Variants in GREB1 observed in about 807,000 individuals in gnomAD.
GREB1 encodes protein GREB1.
A neutral mutation model predicts 200.7 loss-of-function variants in GREB1; 106 were observed. That is an observed-to-expected ratio of 0.53 (90% CI 0.45 to 0.62). GREB1 has a LOEUF of 0.62. Among genes scored for constraint, GREB1 ranks in the 20% least tolerant of loss-of-function variants. The pLI, the probability that GREB1 is intolerant of heterozygous loss-of-function variation, is 0.00. For missense variants in GREB1, 2,243 were observed against 2,556.8 expected, an observed-to-expected ratio of 0.88 and a Z score of 2.65; for synonymous variants, 1,132 against 1,092.4, an observed-to-expected ratio of 1.04 and a Z score of -0.72.
rs70955803 is a variant in GREB1 at position 11,497,971 on chromosome 2, C to CTTTTTTTTTTTT, written c.-159+15620_-159+15631dup. Among the ~76,000 whole-genome samples, 2 of 40,628 alleles carry CTTTTTTTTTTTT rather than the reference C, an allele frequency of 4.9e-5. 1 individual carries two copies. Among genetic ancestry groups the CTTTTTTTTTTTT allele is most frequent in the Non-Finnish European group, 9.0e-5 (2 of 22,158 alleles). 26.7% of individuals were successfully genotyped at this position (40,628 alleles called of 152,430 possible). On this transcript the variant is annotated intron_variant, in intron 1 of 2. Coordinates refer to the GREB1 transcript ENST00000628795. Reference sequence around the variant, plus strand: ...TAACAGGGTCTTTTGCAGAGCAAAACTTTTTTTTTTTTTTTTTTTTTTTTT... The same window carrying CTTTTTTTTTTTT: ...TAACAGGGTCTTTTGCAGAGCAAAACTTTTTTTTTTTTTTTTTTTTTTTTTTTTTTTTTTTTT...
chr2:11,583,018 G>A (rs1030459739), intron 7 of GREB1, among the ~76,000 whole-genome samples: 4 of 151,986 alleles, frequency 2.6e-5, no homozygotes, highest in African/African-American at 4.8e-5. Context: ...CACCAAACAG[G>A]CTACATAATG....
chr2:11,517,777 G>A (rs1217584069), intron 1 of GREB1, among the ~76,000 whole-genome samples: 11 of 151,922 alleles, frequency 7.2e-5, no homozygotes, highest in African/African-American at 1.9e-4. Flanking sequence ...TCAGCCTCCC[G>A]AGTAGCTGGG....
Position 11,539,062 on chromosome 2 carries a change from T to TCTTCTCTTCTCTTCC in GREB1, c.-162+4816_-162+4817insCTCTTCCCTTCTCTT, listed in dbSNP as rs1553347551. Among the ~76,000 whole-genome samples, 759 of 135,584 alleles carry TCTTCTCTTCTCTTCC rather than the reference T, an allele frequency of 5.6e-3. 21 individuals carry two copies. Among genetic ancestry groups the TCTTCTCTTCTCTTCC allele is most frequent in the African/African-American group, 0.016 (587 of 35,824 alleles). The allele number at this position is 135,584 out of a possible 152,430, so 88.9% of individuals were successfully genotyped here. A position where few individuals can be genotyped will look rare whatever the true frequency, so the allele number is the denominator to read the frequency against. Reference sequence around the variant, plus strand: ...TCTTCTCTTCTCTTCTCTTCTCTTCTCTTCTCTTATGATAGGGTCTCACTT... The same window carrying TCTTCTCTTCTCTTCC: ...TCTTCTCTTCTCTTCTCTTCTCTTCTCTTCTCTTCTCTTCCCTTCTCTTATGATAGGGTCTCACTT... On this transcript the variant is annotated intron_variant, in intron 1 of 32. Coordinates refer to ENST00000381486, the MANE Select transcript of GREB1 (RefSeq NM_014668.4).
At position 11,629,714 on chromosome 2, in the gene GREB1, T is replaced by C. The variant is rs1001035853; in HGVS notation, c.4450-234T>C. On this transcript the variant is annotated intron_variant, in intron 25 of 32. Coordinates refer to ENST00000381486, the MANE Select transcript of GREB1 (RefSeq NM_014668.4). This position sits in a 1 kb window ranked among gnomAD's most constrained non-coding sequence, Gnocchi z 5.2. ...CTTGGCACAGCAGGGTGAGGCCCCA[T>C]GCGGACTGAGGATGGGAGCAGGCTC... Among the ~76,000 whole-genome samples the C allele has an allele frequency of 1.3e-5, 2 of 152,130 alleles. No individual in the cohort carries two copies. Among genetic ancestry groups the C allele is most frequent in the African/African-American group, 4.8e-5 (2 of 41,426 alleles).
rs2148470950 is a variant in GREB1 at position 11,641,469 on chromosome 2, TTTTGTTTTG to T, written c.*1019_*1027del. The T allele has an allele frequency of 1.3e-5, 2 of 151,126 alleles. No homozygotes were observed. The highest frequency in any genetic ancestry group is 4.2e-4 in the South Asian group (2 of 4,706). 9.4% of individuals were successfully genotyped at this position (151,126 alleles called of 1,614,324 possible). A position where few individuals can be genotyped will look rare whatever the true frequency, so the allele number is the denominator to read the frequency against. ...ACCCCTTCACAGACTGACAGAATGG[TTTTGTTTTG>T]TTTTGTTTTGTTTTGTTTTGTTTTT... On this transcript the variant is annotated 3_prime_UTR_variant, in exon 33 of 33. Coordinates refer to ENST00000381486, the MANE Select transcript of GREB1 (RefSeq NM_014668.4).
chr2:11,615,419 T>C, intron 20 of GREB1, 129 bp downstream of exon 20: 1 of 721,836 alleles, frequency 1.4e-6, no homozygotes, highest in East Asian at 2.7e-5. Flanking sequence ...ACCTGTCTGC[T>C]GGACAGCGGC....
Position 11,492,744 on chromosome 2 carries a change from CA to C in GREB1, c.-159+10364del. On this transcript the variant is annotated intron_variant, in intron 1 of 2. Transcript: ENST00000628795. This position sits in a 1 kb window ranked among gnomAD's most constrained non-coding sequence, Gnocchi z 4.0. ...CCTAGGGCAGCCCCCTTGAGACTCA[CA>C]CTGAAGGCCTCCTGGGGAGGGAACT... Among the ~76,000 whole-genome samples the C allele has an allele frequency of 6.6e-6, 1 of 152,328 alleles. No individual in the cohort carries two copies. The highest frequency in any genetic ancestry group is 2.4e-5 in the African/African-American group (1 of 41,572).
chr2:11,599,519 AT>A (rs11367888), intron 15 of GREB1, among the ~76,000 whole-genome samples: 38,000 of 99,524 alleles, frequency 0.38, 6,344 homozygotes, highest in East Asian at 0.55. Flanking sequence ...TCGTTTTTGT[AT>A]TTTTTTTTTT....
chr2:11,577,477 T>G (rs1333741241), intron 5 of GREB1, among the ~76,000 whole-genome samples: 1 of 152,214 alleles, frequency 6.6e-6, no homozygotes, highest in Non-Finnish European at 1.5e-5. Flanking sequence ...GGATGCAGCT[T>G]TCAGAAATGT....
Position 11,634,084 on chromosome 2 carries a change from G to A in GREB1, c.4992-47G>A, listed in dbSNP as rs1483998141. The stretch of plus-strand genomic sequence containing the variant: ...ACTGCCTGGTCCCAAGGACCTTGCT[G>A]CTGCTCGTGTGTCAGCCTAGGGACT... On this transcript the variant is annotated intron_variant, in intron 28 of 32. Transcript: ENST00000381486. 3 of 1,562,546 alleles carry A rather than the reference G, an allele frequency of 1.9e-6. No homozygotes were observed. The South Asian group carries it at 3.3e-5, about 17-fold the overall frequency.
intron 4 of GREB1, among the ~76,000 whole-genome samples, chr2:11,572,937 T>C (rs1678458447): frequency 6.6e-6 from 1 of 152,148 alleles, no homozygotes. Flanking sequence ...CTGATTGTTT[T>C]GTTGGGCTTC....
intron 1 of GREB1, among the ~76,000 whole-genome samples, chr2:11,520,713 A>G (rs1467825056): frequency 6.6e-6 from 1 of 152,168 alleles, no homozygotes; most frequent in South Asian, 2.1e-4. Flanking sequence ...TGTGCTCCCC[A>G]GGTAGTCCAG....
intron 1 of GREB1, among the ~76,000 whole-genome samples, chr2:11,501,388 A>T (rs1203099311): frequency 6.6e-6 from 1 of 152,182 alleles, no homozygotes; most frequent in Admixed American, 6.5e-5. Context: ...AGCTCATTAA[A>T]GACAGAAGGT....
At chr2:11,541,444 A>C (rs1464146212) in intron 1 of GREB1, among the ~76,000 whole-genome samples, 1 of 148,296 alleles carries the variant, frequency 6.7e-6, no homozygotes, top group Non-Finnish European at 1.5e-5. Flanking sequence ...ATGGCAAGTG[A>C]GAGGGGGGCC....
At chr2:11,637,625 C>A (rs549459928) in intron 30 of GREB1, 91 bp from the exon 31 acceptor site, 10 of 1,098,204 alleles carry the variant, frequency 9.1e-6, no homozygotes, top group African/African-American at 6.1e-5. Flanking sequence ...ACACAAGCTC[C>A]CATGCTTGGG....
chr2:11,630,756 G>A (rs1164985333), intron 26 of GREB1, among the ~76,000 whole-genome samples: 1 of 152,164 alleles, frequency 6.6e-6, no homozygotes, highest in Non-Finnish European at 1.5e-5. Context: ...CTTTTGAAGA[G>A]GTCGTTCTGA....
chr2:11,537,180 G>GA (rs1674331649), intron 1 of GREB1, among the ~76,000 whole-genome samples: 1 of 151,938 alleles, frequency 6.6e-6, no homozygotes, highest in Admixed American at 6.6e-5. Context: ...GCTAGGCTGG[G>GA]ATTGAACTCC....
chr2:11,637,770 A>G lies in GREB1; in HGVS notation c.5401A>G (p.Ser1801Gly), dbSNP rs1685501261. 6.2e-7 allele frequency: 1 copy of G among 1,614,050 alleles called. No homozygotes were observed. Among genetic ancestry groups the G allele is most frequent in the Non-Finnish European group, 8.5e-7 (1 of 1,180,022 alleles). ...VPAQYICAPD[S>G]KHTFLAAPAQ... is the part of the protein sequence containing the mutation. Reference sequence around the variant, plus strand: ...GGCCCAGTACATCTGTGCCCCGGACAGCAAGCACACGTTCCTCGCAGCGCC... The same window carrying G: ...GGCCCAGTACATCTGTGCCCCGGACGGCAAGCACACGTTCCTCGCAGCGCC... The change falls in exon 31 of 33, where the codon AGC becomes GGC. Residue 1801 changes from serine (S) to glycine (G), a missense_variant. Coordinates refer to ENST00000381486, the MANE Select transcript of GREB1 (RefSeq NM_014668.4).
intron 1 of GREB1, among the ~76,000 whole-genome samples, chr2:11,506,677 A>C (rs1174895383): frequency 6.6e-6 from 1 of 152,180 alleles, no homozygotes; most frequent in African/African-American, 2.4e-5. Context: ...CATTATGCTA[A>C]AATGTGATGT....
Sources: allele counts gnomAD v4.1 joint callset (sites outside exome capture counted in the v4.1 genomes callset), GRCh38; gene constraint gnomAD v4.1.1; non-coding constraint Gnocchi (gnomAD v3.1); transcripts MANE v1.5; gene names NCBI Gene and HGNC (gene_info 2026-07-23, HGNC 2026-07-21).